Variants in TUSC3 observed in about 807,000 individuals in gnomAD.
TUSC3 encodes tumor suppressor candidate 3.
A neutral mutation model predicts 44.8 loss-of-function variants in TUSC3; 45 were observed. That is an observed-to-expected ratio of 1.00 (90% CI 0.79 to 1.29). TUSC3 has a LOEUF of 1.29. Ranked by LOEUF, TUSC3 falls within the 50% of genes most tolerant of loss-of-function variation. The probability of loss-of-function intolerance (pLI) is 0.00; values close to 1 mark genes in which losing one functional copy is unlikely to be tolerated. For synonymous variants in TUSC3, 212 were observed against 152.9 expected (o/e 1.39, Z -2.85); for missense variants, 519 against 437.9 (o/e 1.19, Z -1.65).
chr8:15,773,280 A>G, the TUSC3 span, among the ~76,000 whole-genome samples: 1 of 152,338 alleles, frequency 6.6e-6, no homozygotes, highest in African/African-American at 2.4e-5. Context: ...GTTGCAGGAT[A>G]CATGGTTAAC....
At chr8:15,434,286 C>G (rs894666770) in intron 1 of TUSC3, among the ~76,000 whole-genome samples, 2 of 152,074 alleles carry the variant, frequency 1.3e-5, no homozygotes, top group African/African-American at 4.8e-5. Context: ...TATTAACTGG[C>G]TGTTTGTCTT....
chr8:15,659,707 T>G lies in TUSC3; in HGVS notation c.567+60T>G, dbSNP rs114596577. The G allele has an allele frequency of 4.2e-3, 6,713 of 1,594,164 alleles. 229 individuals carry two copies. In the African/African-American group the frequency reaches 0.076, roughly 18 times the overall value. On this transcript the variant is annotated intron_variant, in intron 4 of 10. Transcript: ENST00000503731. ...CTGGTTAGTTTGTTTTTATGGAGCATTTTAATAAGGCCACAGTAATACTTT... is the reference window on the plus strand; with the variant it reads ...CTGGTTAGTTTGTTTTTATGGAGCAGTTTAATAAGGCCACAGTAATACTTT...
chr8:15,819,455 C>T, the TUSC3 span, among the ~76,000 whole-genome samples: 2 of 152,118 alleles, frequency 1.3e-5, no homozygotes, highest in Non-Finnish European at 2.9e-5. Context: ...CAGATCATTC[C>T]TAATTTATAT....
intron 1 of TUSC3, among the ~76,000 whole-genome samples, chr8:15,432,658 C>T (rs1799885898): frequency 1.3e-5 from 2 of 152,088 alleles, no homozygotes; most frequent in Admixed American, 1.3e-4. Flanking sequence ...AGAGGGACTG[C>T]TCTGTAGTGC....
intron 1 of TUSC3, among the ~76,000 whole-genome samples, chr8:15,439,475 T>C (rs887240706): frequency 1.3e-5 from 2 of 152,166 alleles, no homozygotes; most frequent in Non-Finnish European, 2.9e-5. Context: ...GAGGATCACT[T>C]GAGCCTAGGA....
At chr8:15,576,400 G>A (rs1261419001) in intron 1 of TUSC3, among the ~76,000 whole-genome samples, 20 of 147,738 alleles carry the variant, frequency 1.4e-4, no homozygotes, top group African/African-American at 3.3e-4. Flanking sequence ...ATGCTGGTGC[G>A]CTGCACCCAC....
intron 1 of TUSC3, among the ~76,000 whole-genome samples, chr8:15,616,558 C>T (rs1009177590): frequency 6.6e-6 from 1 of 152,174 alleles, no homozygotes; most frequent in Non-Finnish European, 1.5e-5. Flanking sequence ...GCCTGTGTGA[C>T]AGAGTGAGAG....
chr8:15,662,617 C>G (rs950672773), intron 5 of TUSC3, among the ~76,000 whole-genome samples: 1 of 151,912 alleles, frequency 6.6e-6, no homozygotes, highest in African/African-American at 2.4e-5. Context: ...TTTGGAAATT[C>G]AGCTATTTCT....
chr8:15,813,300 C>A, the TUSC3 span, among the ~76,000 whole-genome samples: 6 of 152,026 alleles, frequency 3.9e-5, no homozygotes, highest in South Asian at 1.2e-3. Flanking sequence ...AGTCTGACTC[C>A]CCTGAAATAA....
In TUSC3 at chr8:15,652,948, C is replaced by T. The variant is rs1221763655; in HGVS notation, c.426+2134C>T. On this transcript the variant is annotated intron_variant, in intron 3 of 10. Coordinates refer to ENST00000503731, the MANE Select transcript of TUSC3 (RefSeq NM_006765.4). ...ATACATTATCTGTTTTGTTACGATA[C>T]CTGATGTACTAAGTACATACTTAGT... Among the ~76,000 whole-genome samples the T allele has an allele frequency of 5.9e-5, 9 of 152,224 alleles. No homozygotes were observed. In the East Asian group the frequency reaches 1.7e-3, roughly 29 times the overall value.
At chr8:15,652,093 C>T (rs1806937122) in intron 3 of TUSC3, among the ~76,000 whole-genome samples, 1 of 152,140 alleles carries the variant, frequency 6.6e-6, no homozygotes, top group Admixed American at 6.5e-5. Flanking sequence ...TGCTGTTACC[C>T]TGCAGTTCAT....
At chr8:15,783,204 G>T in the TUSC3 span, among the ~76,000 whole-genome samples, 3 of 152,110 alleles carry the variant, frequency 2.0e-5, no homozygotes, top group Non-Finnish European at 4.4e-5. Flanking sequence ...AAAAATGAAA[G>T]TAGCCCAAAT....
chr8:15,794,410 A>C, the TUSC3 span, among the ~76,000 whole-genome samples: 17 of 152,296 alleles, frequency 1.1e-4, no homozygotes, highest in Non-Finnish European at 1.6e-4. Context: ...GATTCCTCCC[A>C]AATAGAGGGA....
At chr8:15,643,363 T>A (rs2129172538) in intron 2 of TUSC3, among the ~76,000 whole-genome samples, 1 of 152,204 alleles carries the variant, frequency 6.6e-6, no homozygotes, top group South Asian at 2.1e-4. Context: ...TTGTGTGACA[T>A]TCTTCTTGGC....
intron 1 of TUSC3, among the ~76,000 whole-genome samples, chr8:15,469,907 A>G (rs550121322): frequency 6.6e-6 from 1 of 152,204 alleles, no homozygotes; most frequent in African/African-American, 2.4e-5. Flanking sequence ...ACTCTACACT[A>G]TATGATTCCA....
chr8:15,654,218 T>A (rs1054949025), intron 3 of TUSC3, among the ~76,000 whole-genome samples: 1 of 152,176 alleles, frequency 6.6e-6, no homozygotes, highest in Admixed American at 6.5e-5. Context: ...ACTTTCAGCT[T>A]TATAATTTTG....
the TUSC3 span, among the ~76,000 whole-genome samples, chr8:15,805,274 C>G: frequency 3.3e-5 from 5 of 152,104 alleles, no homozygotes; most frequent in African/African-American, 1.2e-4. Flanking sequence ...ATTAAGTCTG[C>G]AAAGAGAGAT....
chr8:15,747,517 A>G (rs547943946), intron 8 of TUSC3, among the ~76,000 whole-genome samples: 5 of 152,214 alleles, frequency 3.3e-5, no homozygotes, highest in African/African-American at 1.2e-4. Flanking sequence ...TTTAAATTTT[A>G]TAAGCATGTT....
At chr8:15,761,114 G>T (rs575211652) in intron 10 of TUSC3, among the ~76,000 whole-genome samples, 64 of 152,240 alleles carry the variant, frequency 4.2e-4, no homozygotes, top group Middle Eastern at 6.8e-3. Flanking sequence ...ACTTTTGGGG[G>T]CCCTGAGATT....
Sources: gnomAD v4.1 joint callset for allele counts (sites outside exome capture counted in the v4.1 genomes callset) on GRCh38, gnomAD v4.1.1 for gene constraint, MANE v1.5 for transcripts, NCBI Gene and HGNC (gene_info 2026-07-23, HGNC 2026-07-21) for gene names.